The following SHROOM4 variants were observed in gnomAD, a reference collection of about 807,000 sequenced individuals.
SHROOM4 encodes protein Shroom4.
In SHROOM4, 17 loss-of-function variants were observed where a neutral mutation model predicts 80.3. That is an observed-to-expected ratio of 0.21 (90% CI 0.14 to 0.32). The LOEUF (loss-of-function observed/expected upper bound fraction) is 0.32. Among genes scored for constraint, SHROOM4 ranks in the 10% least tolerant of loss-of-function variants. SHROOM4 has a pLI of 1.00. For synonymous variants in SHROOM4, 400 were observed against 437.5 expected, an observed-to-expected ratio of 0.91 and a Z score of 1.07; for missense variants, 993 against 1,140.3, an observed-to-expected ratio of 0.87 and a Z score of 1.86.
rs1233186542 is a variant in SHROOM4, at chrX:50,638,207, A to T, written c.371T>A (p.Phe124Tyr). 2 of 1,206,791 alleles carry T rather than the reference A, an allele frequency of 1.7e-6. No homozygotes were observed. The highest frequency in any genetic ancestry group is 5.9e-5 in the East Asian group (2 of 33,641). Residue 124 changes from phenylalanine (F) to tyrosine (Y), a missense_variant, in exon 3 of 9, where the codon TTC becomes TAC. By Grantham distance (22) the Phe-to-Tyr change is conservative. Coordinates refer to ENST00000376020, the MANE Select transcript of SHROOM4 (RefSeq NM_020717.5). ...GCAGCCAGAATGCCAGGACAAGCTG[A>T]AGGCTTCAGAAGGGAAATGCATGGT... The part of the protein sequence containing the change: ...ATTMHFPSEA[F>Y]SLSWHSGCNT...
chrX:50,582,290 A>G (rs1244518443), downstream of SHROOM4, among the ~76,000 whole-genome samples: 1 of 111,672 alleles, frequency 9.0e-6, no homozygotes, highest in Non-Finnish European at 1.9e-5. Context: ...CCTGACCAAG[A>G]CCTTGATTGC....
intron 5 of SHROOM4, among the ~76,000 whole-genome samples, chrX:50,626,472 TCTGA>T (rs1167647479): frequency 3.6e-5 from 4 of 111,643 alleles, no homozygotes; most frequent in African/African-American, 1.3e-4. Context: ...CCTTAGGCTC[TCTGA>T]CTGTGACCCT....
At chrX:50,752,467 G>A (rs1396468438) in intron 1 of SHROOM4, among the ~76,000 whole-genome samples, 5 of 111,226 alleles carry the variant, frequency 4.5e-5, no homozygotes, top group African/African-American at 1.6e-4. Context: ...TACAGCTTAA[G>A]GGCTGAGGGG....
chrX:50,698,490 A>C (rs1298518418), intron 1 of SHROOM4, among the ~76,000 whole-genome samples: 3 of 111,925 alleles, frequency 2.7e-5, no homozygotes, highest in Admixed American at 9.5e-5. Flanking sequence ...AGAAGGGTCC[A>C]GATCAGGAAG....
chrX:50,686,198 AT>A (rs201230982), intron 2 of SHROOM4, among the ~76,000 whole-genome samples: 8,010 of 105,426 alleles, frequency 0.076, 796 homozygotes, highest in African/African-American at 0.26. Flanking sequence ...TGCCTGGCTA[AT>A]TTTTTTTTTG....
rs1933352021 is a variant in SHROOM4 at position 50,695,779 on chromosome X, A to T, written c.269+7T>A. 1 of 1,209,677 alleles carries T rather than the reference A, an allele frequency of 8.3e-7. No homozygotes were observed. Among genetic ancestry groups the T allele is most frequent in the African/African-American group, 1.8e-5 (1 of 57,097 alleles). On this transcript the variant is annotated splice_region_variant and intron_variant, in intron 2 of 8. Coordinates refer to ENST00000376020, the MANE Select transcript of SHROOM4 (RefSeq NM_020717.5). ...TGCACCTTACGGAGAATCTCCCTGT[A>T]CCTTACCTCCTGACAATCAGCTTGA...
intron 1 of SHROOM4, among the ~76,000 whole-genome samples, chrX:50,760,332 CT>C (rs59845169): frequency 0.012 from 1,053 of 89,520 alleles, 15 homozygotes; most frequent in African/African-American, 0.037. Flanking sequence ...TCTCTAGTAA[CT>C]TTTTTTTTTT....
At position 50,602,521 on chromosome X, in the gene SHROOM4, TA is replaced by T; in HGVS notation, c.3942+111del. ...ATCCAGAGAGGCTGTATGGTTTCCA[TA>T]CTGAAAATATGGGAATGCGAGATGT... On this transcript the variant is annotated intron_variant, in intron 7 of 8. Coordinates refer to ENST00000376020, the MANE Select transcript of SHROOM4 (RefSeq NM_020717.5). 3 of 781,250 alleles carry T rather than the reference TA, an allele frequency of 3.8e-6. No homozygotes were observed. The African/African-American group carries it at 6.1e-5, about 16-fold the overall frequency. The allele number at this position is 781,250 out of a possible 1,213,427, so 64.4% of individuals were successfully genotyped here.
intron 1 of SHROOM4, among the ~76,000 whole-genome samples, chrX:50,710,735 T>C (rs1184698437): frequency 8.9e-6 from 1 of 112,041 alleles, no homozygotes. Context: ...TCCTGGGTCA[T>C]GGAATAGTCT....
At chrX:50,727,221 C>T (rs1454057575) in intron 1 of SHROOM4, among the ~76,000 whole-genome samples, 2 of 112,694 alleles carry the variant, frequency 1.8e-5, no homozygotes, top group African/African-American at 6.4e-5. Context: ...ATGCCCATAC[C>T]CCCATTGTAT....
In SHROOM4 at chrX:50,587,441, T is replaced by C. The variant is rs1928780389; in HGVS notation, c.*9254A>G. Among the ~76,000 whole-genome samples the C allele has an allele frequency of 8.9e-6, 1 of 112,333 alleles. No homozygotes were observed. Among genetic ancestry groups the C allele is most frequent in the Non-Finnish European group, 1.9e-5 (1 of 53,246 alleles). On this transcript the variant is annotated 3_prime_UTR_variant, in exon 9 of 9. Transcript: ENST00000376020. The stretch of plus-strand genomic sequence containing the variant: ...CGAAGAGATATCTGCACTCTCATGT[T>C]CACTGAAACATTATTCTCTGGTGAA...
intron 3 of SHROOM4, among the ~76,000 whole-genome samples, chrX:50,636,703 A>T (rs1034894726): frequency 3.0e-4 from 33 of 110,807 alleles, no homozygotes; most frequent in African/African-American, 1.0e-3. Flanking sequence ...TCCCATCTTT[A>T]TGGGACAGAT....
intron 2 of SHROOM4, among the ~76,000 whole-genome samples, chrX:50,648,290 G>T (rs567828966): frequency 3.2e-4 from 36 of 111,895 alleles, no homozygotes; most frequent in African/African-American, 1.1e-3. Context: ...AATGAGCTAT[G>T]ATACTTGAGT....
Position 50,614,782 on chromosome X carries a change from G to A in SHROOM4, c.2958-6598C>T, listed in dbSNP as rs368851638. ...GATATCCATAAGGATATTCACTGTA[G>A]ATTTGTATGTAATCACAAAAGACTG... On this transcript the variant is annotated intron_variant, in intron 5 of 8. Coordinates refer to ENST00000376020, the MANE Select transcript of SHROOM4 (RefSeq NM_020717.5). Among the ~76,000 whole-genome samples the A allele has an allele frequency of 3.6e-5, 4 of 112,136 alleles. No homozygotes were observed. The East Asian group carries it at 1.1e-3, about 31-fold the overall frequency.
chrX:50,643,872 A>G (rs1931717202), intron 2 of SHROOM4, among the ~76,000 whole-genome samples: 1 of 112,897 alleles, frequency 8.9e-6, no homozygotes, highest in Non-Finnish European at 1.9e-5. Flanking sequence ...ATTTTTAAAA[A>G]TACACGTAAG....
chrX:50,763,110 G>A (rs1325112979), intron 1 of SHROOM4, among the ~76,000 whole-genome samples: 1 of 111,113 alleles, frequency 9.0e-6, no homozygotes, highest in Non-Finnish European at 1.9e-5. Context: ...TCTTCAGAGT[G>A]TATAATCTCT....
intron 3 of SHROOM4, among the ~76,000 whole-genome samples, chrX:50,636,839 C>T (rs782353522): frequency 3.6e-5 from 4 of 111,812 alleles, no homozygotes; most frequent in Non-Finnish European, 1.9e-5. Flanking sequence ...TGTCTTAGCG[C>T]TACTGCCATA....
At chrX:50,811,594 A>G (rs1936331452) in intron 1 of SHROOM4, among the ~76,000 whole-genome samples, 1 of 111,837 alleles carries the variant, frequency 8.9e-6, no homozygotes, top group Non-Finnish European at 1.9e-5. Context: ...AAAAGGAAAT[A>G]AAATCAAGGT....
At chrX:50,673,077 G>C (rs1458631226) in intron 2 of SHROOM4, among the ~76,000 whole-genome samples, 2 of 111,319 alleles carry the variant, frequency 1.8e-5, no homozygotes, top group Admixed American at 9.5e-5. Context: ...ACAAAAGAAG[G>C]ATTCCTGGAA....
Sources: allele counts gnomAD v4.1 joint callset (sites outside exome capture counted in the v4.1 genomes callset), GRCh38; gene constraint gnomAD v4.1.1; transcripts MANE v1.5; gene names NCBI Gene and HGNC (gene_info 2026-07-23, HGNC 2026-07-21).